Variants in PDGFD observed in about 807,000 individuals in gnomAD.
PDGFD encodes the protein platelet-derived growth factor D.
A neutral mutation model predicts 44.7 loss-of-function variants in PDGFD; 30 were observed. That is an observed-to-expected ratio of 0.67 (90% CI 0.50 to 0.91). The LOEUF is 0.91. PDGFD is among the 40% of genes least tolerant of loss of function. PDGFD has a pLI of 0.00. For synonymous variants in PDGFD, 173 were observed against 168.4 expected, an observed-to-expected ratio of 1.03 and a Z score of -0.21; for missense variants, 445 against 457.8, an observed-to-expected ratio of 0.97 and a Z score of 0.25.
intron 3 of PDGFD, among the ~76,000 whole-genome samples, chr11:103,950,297 CCAG>C (rs1858731439): frequency 3.3e-5 from 5 of 151,518 alleles, no homozygotes; most frequent in Admixed American, 3.3e-4. Flanking sequence ...GCTTGTAATC[CCAG>C]CACTTTGGGA....
At chr11:104,003,290 G>A (rs1220322557) in intron 1 of PDGFD, among the ~76,000 whole-genome samples, 2 of 152,336 alleles carry the variant, frequency 1.3e-5, no homozygotes, top group African/African-American at 4.8e-5. Context: ...GAGGCTAGAA[G>A]CTTTAAAGGA....
At chr11:103,928,340 G>C (rs1161528874) in intron 5 of PDGFD, among the ~76,000 whole-genome samples, 2 of 152,276 alleles carry the variant, frequency 1.3e-5, no homozygotes, top group South Asian at 2.1e-4. Context: ...GTGTGCACCA[G>C]GCCACCACAG....
At chr11:104,156,521 A>G (rs1414310524) in intron 1 of PDGFD, among the ~76,000 whole-genome samples, 1 of 152,190 alleles carries the variant, frequency 6.6e-6, no homozygotes, top group Non-Finnish European at 1.5e-5. Context: ...AAAATCTGAG[A>G]AAAGATGACT....
At chr11:104,020,711 C>T (rs1478014074) in intron 1 of PDGFD, among the ~76,000 whole-genome samples, 1 of 152,100 alleles carries the variant, frequency 6.6e-6, no homozygotes, top group African/African-American at 2.4e-5. Context: ...AATTTCATAT[C>T]TATCCTAATA....
chr11:104,018,853 G>A lies in PDGFD; in HGVS notation c.125-18598C>T, dbSNP rs370609774. Among the ~76,000 whole-genome samples, 81 of 152,224 alleles carry A rather than the reference G, an allele frequency of 5.3e-4. 1 individual carries two copies. The highest frequency in any genetic ancestry group is 1.7e-3 in the South Asian group (8 of 4,810). On this transcript the variant is annotated intron_variant, in intron 1 of 6. Coordinates refer to ENST00000393158, the MANE Select transcript of PDGFD (RefSeq NM_025208.5). ...TATTGTGTAGTATTAATGCTGTTGC[G>A]GATTTGTGCCTCTTTCCTTACTGGA...
intron 1 of PDGFD, among the ~76,000 whole-genome samples, chr11:104,122,777 C>G (rs769252584): frequency 7.9e-5 from 12 of 151,876 alleles, no homozygotes; most frequent in Non-Finnish European, 1.8e-4. Context: ...AATACACATG[C>G]CTTTAACTTC....
At chr11:104,135,726 T>C (rs1861994716) in intron 1 of PDGFD, among the ~76,000 whole-genome samples, 2 of 152,084 alleles carry the variant, frequency 1.3e-5, no homozygotes, top group Non-Finnish European at 1.5e-5. Context: ...TTCACCAAGA[T>C]AGAGTGCCAA....
At chr11:104,129,393 C>T (rs1861885220) in intron 1 of PDGFD, among the ~76,000 whole-genome samples, 1 of 152,124 alleles carries the variant, frequency 6.6e-6, no homozygotes, top group African/African-American at 2.4e-5. Flanking sequence ...CCTTAACCTG[C>T]AACGTTTCCT....
At chr11:104,096,794 A>G (rs1196176869) in intron 1 of PDGFD, among the ~76,000 whole-genome samples, 1 of 152,168 alleles carries the variant, frequency 6.6e-6, no homozygotes, top group African/African-American at 2.4e-5. Context: ...TTGAAAGAAG[A>G]TATCAATGGT....
At chr11:104,149,040 A>G (rs1460597296) in intron 1 of PDGFD, among the ~76,000 whole-genome samples, 2 of 152,138 alleles carry the variant, frequency 1.3e-5, no homozygotes, top group Non-Finnish European at 2.9e-5. Flanking sequence ...GTCTTATATT[A>G]CATGTCTTTT....
intron 6 of PDGFD, among the ~76,000 whole-genome samples, chr11:103,913,885 AC>A (rs1455712928): frequency 2.0e-4 from 31 of 152,250 alleles, no homozygotes; most frequent in African/African-American, 7.5e-4. Context: ...ATGCAAATAA[AC>A]TAGAAAATCT....
rs113477545 is a variant in PDGFD, at chr11:104,078,351, C to T, written c.125-78096G>A. 8.0e-3 allele frequency among the ~76,000 whole-genome samples: 1,218 copies of T among 152,278 alleles called. 27 individuals are homozygous for T. The highest frequency in any genetic ancestry group is 8.9e-3 in the Non-Finnish European group (605 of 68,016). On this transcript the variant is annotated intron_variant, in intron 1 of 6. Transcript: ENST00000393158. Reference sequence around the variant, plus strand: ...GCATGCTGGACAGGGTCTCTATATACACCCATCAACACTATGTCTAAGGAA... The same window carrying T: ...GCATGCTGGACAGGGTCTCTATATATACCCATCAACACTATGTCTAAGGAA...
chr11:104,017,367 A>G (rs534759877), intron 1 of PDGFD, among the ~76,000 whole-genome samples: 1 of 151,368 alleles, frequency 6.6e-6, no homozygotes, highest in Non-Finnish European at 1.5e-5. Flanking sequence ...GTTTTTTTTT[A>G]AATTATCCAG....
At chr11:104,098,322 G>C (rs892930814) in intron 1 of PDGFD, among the ~76,000 whole-genome samples, 8 of 152,044 alleles carry the variant, frequency 5.3e-5, no homozygotes, top group African/African-American at 1.9e-4. Flanking sequence ...AGAAACCTGG[G>C]CTTTCCAGAA....
At chr11:103,965,833 C>G (rs1859011242) in intron 3 of PDGFD, among the ~76,000 whole-genome samples, 1 of 151,932 alleles carries the variant, frequency 6.6e-6, no homozygotes. Flanking sequence ...AACCCTGACA[C>G]TTCGACAGCC....
intron 1 of PDGFD, among the ~76,000 whole-genome samples, chr11:104,119,862 AT>A (rs1363433938): frequency 8.3e-5 from 6 of 72,326 alleles, no homozygotes; most frequent in African/African-American, 2.6e-4. Flanking sequence ...TAATTATATT[AT>A]ATATATAATC....
intron 1 of PDGFD, among the ~76,000 whole-genome samples, chr11:104,063,180 C>T (rs892872621): frequency 1.3e-5 from 2 of 152,020 alleles, no homozygotes; most frequent in African/African-American, 4.8e-5. Flanking sequence ...AAGATTTTGA[C>T]GCCTTTCTAC....
intron 1 of PDGFD, among the ~76,000 whole-genome samples, chr11:104,160,821 C>T (rs866604352): frequency 6.6e-6 from 1 of 152,076 alleles, no homozygotes; most frequent in African/African-American, 2.4e-5. Context: ...TGGAGAGTTC[C>T]GGAAGGCCAG....
chr11:104,082,056 A>G (rs952061804), intron 1 of PDGFD, among the ~76,000 whole-genome samples: 1 of 149,396 alleles, frequency 6.7e-6, no homozygotes, highest in African/African-American at 2.5e-5. Flanking sequence ...GGTGCCAGTT[A>G]TTGCCAATTT....
Sources: allele counts gnomAD v4.1 joint callset (sites outside exome capture counted in the v4.1 genomes callset), GRCh38; gene constraint gnomAD v4.1.1; transcripts MANE v1.5; gene names NCBI Gene and HGNC (gene_info 2026-07-23, HGNC 2026-07-21).